Variants in PRUNE2 observed in about 807,000 individuals in gnomAD.
PRUNE2 encodes protein prune homolog 2.
Under a neutral mutation model 252.0 loss-of-function variants are expected in PRUNE2, and 164 were observed. That is an observed-to-expected ratio of 0.65 (90% confidence interval 0.57 to 0.74). PRUNE2 has a LOEUF of 0.74. PRUNE2 is among the 30% of genes least tolerant of loss of function. The pLI is 0.00. For synonymous variants in PRUNE2, 1,292 were observed against 1,350.2 expected (o/e 0.96, Z 0.94); for missense variants, 3,495 against 3,711.0 (o/e 0.94, Z 1.51).
chr9:76,696,391 C>T (rs2134590036), intron 9 of PRUNE2, among the ~76,000 whole-genome samples: 1 of 152,204 alleles, frequency 6.6e-6, no homozygotes, highest in East Asian at 1.9e-4. Context: ...CTACTTTCTC[C>T]ATTTTGCTTT....
chr9:76,705,546 G>A lies in PRUNE2; in HGVS notation c.6728C>T (p.Thr2243Ile). The change falls in exon 8 of 19, where the codon ACT (threonine) becomes ATT (isoleucine). Residue 2243 changes from threonine (T) to isoleucine (I), a missense_variant. Thr to Ile is a moderately conservative substitution (Grantham distance 89). Coordinates refer to ENST00000376718, the MANE Select transcript of PRUNE2 (RefSeq NM_015225.3). ...TATCCAAGAACCGTCACCTTCTGGA[G>A]TTGGCTCTTGGTGAGTTACAAAAAT... ...TSIFVTHQEP[T>I]PEGDGSWISD... 6.2e-7 allele frequency: 1 copy of A among 1,614,042 alleles called. No homozygotes were observed. The highest frequency in any genetic ancestry group is 8.5e-7 in the Non-Finnish European group (1 of 1,179,888).
chr9:76,809,129 C>T (rs1381786070), intron 6 of PRUNE2, among the ~76,000 whole-genome samples: 1 of 152,156 alleles, frequency 6.6e-6, no homozygotes, highest in African/African-American at 2.4e-5. Context: ...TTAGTTTCAA[C>T]ATCATCTTCT....
chr9:76,613,475 T>C lies in PRUNE2; in HGVS notation c.*1095A>G, dbSNP rs766692867. ...AATAATTTTCATGTGTCATGAAATA[T>C]TCAAAAAAAATTTTTCCAACCCAAA... On this transcript the variant is annotated 3_prime_UTR_variant, in exon 19 of 19. Transcript: ENST00000376718. The C allele has an allele frequency of 2.6e-5, 4 of 152,200 alleles. No individual in the cohort carries two copies. The highest frequency in any genetic ancestry group is 2.9e-5 in the Non-Finnish European group (2 of 68,034). The allele number at this position is 152,200 out of a possible 1,614,324, so 9.4% of individuals were successfully genotyped here.
chr9:76,635,394 T>G (rs1839587591), intron 15 of PRUNE2, among the ~76,000 whole-genome samples: 1 of 152,220 alleles, frequency 6.6e-6, no homozygotes. Context: ...CATCTTAAAA[T>G]TATTAATTAA....
At chr9:76,791,923 G>A (rs1589253139) in intron 6 of PRUNE2, among the ~76,000 whole-genome samples, 1 of 152,172 alleles carries the variant, frequency 6.6e-6, no homozygotes, top group African/African-American at 2.4e-5. Context: ...CTGAGAAAGG[G>A]CAGGGGCTGG....
intron 1 of PRUNE2, among the ~76,000 whole-genome samples, chr9:76,866,195 G>T (rs1243812752): frequency 6.6e-6 from 1 of 152,178 alleles, no homozygotes; most frequent in Non-Finnish European, 1.5e-5. Context: ...AATTAGAAGG[G>T]CATAATTCTA....
chr9:76,836,109 G>A (rs1241701804), intron 4 of PRUNE2, among the ~76,000 whole-genome samples: 2 of 152,088 alleles, frequency 1.3e-5, no homozygotes, highest in Middle Eastern at 3.4e-3. Context: ...AAACACACAC[G>A]CACACAAATA....
chr9:76,624,990 G>C, intron 16 of PRUNE2: 1 of 1,282,970 alleles, frequency 7.8e-7, no homozygotes, highest in South Asian at 1.2e-5. Flanking sequence ...CACACACAGG[G>C]TCCAGCATGA....
intron 9 of PRUNE2, among the ~76,000 whole-genome samples, chr9:76,667,110 C>T (rs1386972848): frequency 1.3e-5 from 2 of 152,190 alleles, no homozygotes; most frequent in Non-Finnish European, 2.9e-5. Flanking sequence ...TTTGTCAAAA[C>T]ATAATTTAGA....
rs571851634 is a variant in PRUNE2, at chr9:76,791,747, A to C, written c.756+31885T>G. On this transcript the variant is annotated intron_variant, in intron 6 of 18. Coordinates refer to ENST00000376718, the MANE Select transcript of PRUNE2 (RefSeq NM_015225.3). ...AGGTGATACAACTGCATAGCAGAGA[A>C]AGGACTCAAGGAGTACAATGGATTT... Among the ~76,000 whole-genome samples the C allele has an allele frequency of 3.3e-5, 5 of 152,316 alleles. No individual in the cohort carries two copies. The East Asian group carries it at 9.7e-4, about 29-fold the overall frequency.
At chr9:76,645,661 A>AT (rs1460428381) in intron 11 of PRUNE2, among the ~76,000 whole-genome samples, 1 of 152,106 alleles carries the variant, frequency 6.6e-6, no homozygotes, top group Non-Finnish European at 1.5e-5. Flanking sequence ...AAAAGTAACC[A>AT]TTTTTATTAA....
chr9:76,740,053 T>C (rs536587930), intron 6 of PRUNE2: 1 of 149,922 alleles, frequency 6.7e-6, no homozygotes, highest in East Asian at 2.0e-4. Flanking sequence ...GACAGTATGA[T>C]ACTCTGTTTC....
chr9:76,631,150 A>AT (rs1176381138), intron 15 of PRUNE2, among the ~76,000 whole-genome samples: 2 of 152,232 alleles, frequency 1.3e-5, no homozygotes, highest in Admixed American at 1.3e-4. Flanking sequence ...TACCAGTGAT[A>AT]TGCTACATTA....
Position 76,614,588 on chromosome 9 carries a change from C to T in PRUNE2, c.9249G>A (p.Lys3083=). ...TGGCCAACTAAGGCTTTTCTTTCAG[C>T]TTCAAGTCAATACTGCAAAGAAAAG... ...MSSMEKDIDL[K]LKEKP The change falls in exon 19 of 19, where the codon AAG becomes AAA. Residue 3083 remains lysine (K), a synonymous_variant. Coordinates refer to ENST00000376718, the MANE Select transcript of PRUNE2 (RefSeq NM_015225.3). The T allele has an allele frequency of 6.2e-7, 1 of 1,612,016 alleles. No individual in the cohort carries two copies. Among genetic ancestry groups the T allele is most frequent in the Non-Finnish European group, 8.5e-7 (1 of 1,178,690 alleles).
At chr9:76,661,956 T>C (rs1260243096) in intron 9 of PRUNE2, among the ~76,000 whole-genome samples, 1 of 152,074 alleles carries the variant, frequency 6.6e-6, no homozygotes, top group Non-Finnish European at 1.5e-5. Context: ...ATGTACTATA[T>C]TCTCTGACTT....
chr9:76,687,938 G>T (rs1324546743), intron 9 of PRUNE2, among the ~76,000 whole-genome samples: 1 of 152,144 alleles, frequency 6.6e-6, no homozygotes, highest in Non-Finnish European at 1.5e-5. Flanking sequence ...GTGGTATCTG[G>T]CCCGTTAGTA....
Position 76,776,448 on chromosome 9 carries a change from T to C in PRUNE2, c.756+47184A>G, listed in dbSNP as rs1300554512. ...ATAATGATCTCCAGTTCCATCCATA[T>C]TGCTGCAAAAGCTGAGTAGTATATC... On this transcript the variant is annotated intron_variant, in intron 6 of 18. Coordinates refer to ENST00000376718, the MANE Select transcript of PRUNE2 (RefSeq NM_015225.3). Among the ~76,000 whole-genome samples the C allele has an allele frequency of 2.6e-5, 4 of 152,278 alleles. No individual in the cohort carries two copies. In the East Asian group the frequency reaches 7.7e-4, roughly 29 times the overall value.
intron 6 of PRUNE2, among the ~76,000 whole-genome samples, chr9:76,745,447 T>C (rs976857263): frequency 2.0e-5 from 3 of 152,168 alleles, no homozygotes; most frequent in Non-Finnish European, 4.4e-5. Context: ...TTTTAGGATG[T>C]CTTTTCAGGT....
Position 76,705,943 on chromosome 9 carries a change from A to G in PRUNE2, c.6331T>C (p.Ser2111Pro). ...TTCTCAGTCTCTTGCTTTGCTTCAG[A>G]ATCGTGACATATATCAGGGCTGTCG... is the stretch of plus-strand genomic sequence containing the variant. Reference protein sequence around the residue: ...ASDSPDICHDSEAKQETEKHL... With the variant: ...ASDSPDICHDPEAKQETEKHL... Residue 2111 changes from serine (S) to proline (P), a missense_variant, in exon 8 of 19, where the codon TCT becomes CCT. Ser to Pro is a moderately conservative substitution (Grantham distance 74, BLOSUM62 -1). Transcript: ENST00000376718. 1.9e-6 allele frequency: 3 copies of G among 1,614,020 alleles called. No homozygotes were observed. The highest frequency in any genetic ancestry group is 2.5e-6 in the Non-Finnish European group (3 of 1,179,894).
Sources: gnomAD v4.1 joint callset for allele counts (sites outside exome capture counted in the v4.1 genomes callset) on GRCh38, gnomAD v4.1.1 for gene constraint, MANE v1.5 for transcripts, NCBI Gene and HGNC (gene_info 2026-07-23, HGNC 2026-07-21) for gene names.